NIBAN1: variants seen among roughly 807,000 people sequenced by gnomAD.
The protein encoded by NIBAN1 is protein Niban 1.
A neutral mutation model predicts 75.1 loss-of-function variants in NIBAN1; 81 were observed. The observed-to-expected ratio is 1.08, with a 90% CI of 0.90 to 1.30. The LOEUF is 1.30. Among genes scored for constraint, NIBAN1 ranks in the 50% most tolerant of loss-of-function variants. The pLI is 0.00. For missense variants in NIBAN1, 1,133 were observed against 1,128.1 expected, an observed-to-expected ratio of 1.00 and a Z score of -0.06; for synonymous variants, 436 against 424.8, an observed-to-expected ratio of 1.03 and a Z score of -0.32.
chr1:184,921,690 G>A (rs1293572860), intron 1 of NIBAN1, among the ~76,000 whole-genome samples: 2 of 152,172 alleles, frequency 1.3e-5, no homozygotes, highest in Non-Finnish European at 2.9e-5. Flanking sequence ...AAGGCAAATG[G>A]GTGGCCATCA....
At chr1:184,911,978 C>T (rs1446272803) in intron 1 of NIBAN1, among the ~76,000 whole-genome samples, 1 of 152,188 alleles carries the variant, frequency 6.6e-6, no homozygotes, top group Non-Finnish European at 1.5e-5. Context: ...TGCCCCACAA[C>T]ATCACCAGGC....
In NIBAN1 at chr1:184,791,252, A is replaced by G. The variant is rs1215601715; in HGVS notation, c.*3725T>C. On this transcript the variant is annotated 3_prime_UTR_variant, in exon 14 of 14. Transcript: ENST00000367511. ...GTTGCCAACTGTTGCACCGACTGATACTATTATTAAGTCAATGATGTCCTT... is the reference window on the plus strand; with the variant it reads ...GTTGCCAACTGTTGCACCGACTGATGCTATTATTAAGTCAATGATGTCCTT... 1.1e-5 allele frequency: 3 copies of G among 282,778 alleles called. No homozygotes were observed. Among genetic ancestry groups the G allele is most frequent in the Non-Finnish European group, 2.1e-5 (3 of 141,406 alleles). 17.5% of individuals were successfully genotyped at this position (282,778 alleles called of 1,614,324 possible).
At chr1:184,907,774 T>C (rs1571564580) in intron 1 of NIBAN1, among the ~76,000 whole-genome samples, 1 of 152,188 alleles carries the variant, frequency 6.6e-6, no homozygotes, top group African/African-American at 2.4e-5. Flanking sequence ...TTAAAGCACA[T>C]TTATTATTGG....
intron 1 of NIBAN1, among the ~76,000 whole-genome samples, chr1:184,953,121 C>T (rs1305069787): frequency 6.6e-6 from 1 of 152,134 alleles, no homozygotes; most frequent in Non-Finnish European, 1.5e-5. Context: ...AGTCCATGTC[C>T]CTATCACAGT....
At chr1:184,952,050 G>A (rs1004554732) in intron 1 of NIBAN1, among the ~76,000 whole-genome samples, 2 of 152,198 alleles carry the variant, frequency 1.3e-5, no homozygotes, top group African/African-American at 4.8e-5. Context: ...ACAGAACAGG[G>A]CATATTTCTA....
chr1:184,929,757 C>T (rs1264156160), intron 1 of NIBAN1, among the ~76,000 whole-genome samples: 1 of 152,142 alleles, frequency 6.6e-6, no homozygotes, highest in Non-Finnish European at 1.5e-5. Flanking sequence ...ATTGCATCAG[C>T]TCCACTAACG....
At chr1:184,893,030 C>T (rs2101980511) in intron 3 of NIBAN1, among the ~76,000 whole-genome samples, 1 of 152,294 alleles carries the variant, frequency 6.6e-6, no homozygotes, top group South Asian at 2.1e-4. Flanking sequence ...CCTTGGCCTC[C>T]CAAAGTGCTG....
At chr1:184,859,799 A>C (rs1037718981) in intron 5 of NIBAN1, among the ~76,000 whole-genome samples, 1 of 151,998 alleles carries the variant, frequency 6.6e-6, no homozygotes, top group Non-Finnish European at 1.5e-5. Flanking sequence ...TACCCAGTAG[A>C]TATTTTAAGG....
At chr1:184,894,836 G>A (rs1185887199) in intron 2 of NIBAN1, among the ~76,000 whole-genome samples, 1 of 152,182 alleles carries the variant, frequency 6.6e-6, no homozygotes, top group Admixed American at 6.5e-5. Context: ...CTTATTAACT[G>A]TGGTGATATA....
chr1:184,953,708 G>A (rs993735493), intron 1 of NIBAN1, among the ~76,000 whole-genome samples: 1 of 152,198 alleles, frequency 6.6e-6, no homozygotes, highest in Admixed American at 6.5e-5. Flanking sequence ...GTTAGCTATA[G>A]TACGCCTCAG....
chr1:184,905,267 T>C (rs1013366153), intron 1 of NIBAN1, among the ~76,000 whole-genome samples: 8 of 152,128 alleles, frequency 5.3e-5, no homozygotes, highest in Admixed American at 5.2e-4. Context: ...AGGTGGGAAC[T>C]GTATTTCAGA....
intron 1 of NIBAN1, among the ~76,000 whole-genome samples, chr1:184,956,628 G>A (rs970283763): frequency 6.6e-6 from 1 of 152,122 alleles, no homozygotes; most frequent in Non-Finnish European, 1.5e-5. Flanking sequence ...CATTAATAAA[G>A]AGCACATATA....
chr1:184,900,109 C>A (rs911590758), intron 1 of NIBAN1, among the ~76,000 whole-genome samples: 4 of 152,192 alleles, frequency 2.6e-5, no homozygotes, highest in African/African-American at 9.6e-5. Context: ...AGCCACCACA[C>A]CTGGCCATCA....
chr1:184,853,760 C>T (rs1354188659), intron 5 of NIBAN1, among the ~76,000 whole-genome samples: 1 of 152,116 alleles, frequency 6.6e-6, no homozygotes, highest in Non-Finnish European at 1.5e-5. Context: ...TGTGCATACA[C>T]ACAAACACAC....
intron 5 of NIBAN1, among the ~76,000 whole-genome samples, chr1:184,855,092 T>C (rs1419738284): frequency 6.6e-6 from 1 of 152,196 alleles, no homozygotes; most frequent in Non-Finnish European, 1.5e-5. Context: ...GAAGGCATGA[T>C]GGAATCATAG....
At chr1:184,928,330 G>A (rs1342148303) in intron 1 of NIBAN1, among the ~76,000 whole-genome samples, 3 of 152,114 alleles carry the variant, frequency 2.0e-5, no homozygotes, top group African/African-American at 7.2e-5. Flanking sequence ...GGTGATGCAA[G>A]CACTCCCTTG....
At chr1:184,818,391 A>T (rs1439156828) in intron 9 of NIBAN1, among the ~76,000 whole-genome samples, 1 of 152,154 alleles carries the variant, frequency 6.6e-6, no homozygotes, top group African/African-American at 2.4e-5. Flanking sequence ...CTTCACTTGT[A>T]CACACAGGTT....
chr1:184,931,998 A>C (rs10218746), intron 1 of NIBAN1, among the ~76,000 whole-genome samples: 4,811 of 152,300 alleles, frequency 0.032, 146 homozygotes, highest in African/African-American at 0.076. Flanking sequence ...GCTATTTCTG[A>C]ATATTAGTGT....
At chr1:184,881,101 GCACACA>G (rs375874645) in intron 5 of NIBAN1, among the ~76,000 whole-genome samples, 1 of 147,306 alleles carries the variant, frequency 6.8e-6, no homozygotes, top group Admixed American at 6.8e-5. Context: ...ATGTGAGCAT[GCACACA>G]CACACACACA....
Sources: gnomAD v4.1 joint callset for allele counts (sites outside exome capture counted in the v4.1 genomes callset) on GRCh38, gnomAD v4.1.1 for gene constraint, MANE v1.5 for transcripts, NCBI Gene and HGNC (gene_info 2026-07-23, HGNC 2026-07-21) for gene names.